Variants in CSRP3 observed in about 807,000 individuals in gnomAD.
CSRP3 encodes the protein cysteine and glycine rich protein 3.
CSRP3 carries 24 observed loss-of-function variants against 24.3 expected under a neutral mutation model. That is an observed-to-expected ratio of 0.99 (90% CI 0.71 to 1.39). CSRP3 has a LOEUF of 1.39. Ranked by LOEUF, CSRP3 falls within the 40% of genes most tolerant of loss-of-function variation. The pLI, the probability that CSRP3 is intolerant of heterozygous loss-of-function variation, is 0.00. For missense variants in CSRP3, 240 were observed against 249.0 expected, an observed-to-expected ratio of 0.96 and a Z score of 0.24; for synonymous variants, 105 against 94.0, an observed-to-expected ratio of 1.12 and a Z score of -0.68.
At chr11:19,200,673 C>T (rs1850823660) in intron 1 of CSRP3, among the ~76,000 whole-genome samples, 1 of 152,204 alleles carries the variant, frequency 6.6e-6, no homozygotes, top group Non-Finnish European at 1.5e-5. Context: ...TTGCCACTGA[C>T]CACAAACGAC....
chr11:19,194,143 C>T (rs150959527), intron 1 of CSRP3, among the ~76,000 whole-genome samples: 14 of 152,210 alleles, frequency 9.2e-5, no homozygotes, highest in Admixed American at 5.2e-4. Flanking sequence ...TCAACTGGTC[C>T]GGATTGTATC....
rs567697520 is a variant in CSRP3 at position 19,196,240 on chromosome 11, C to T, written c.-28-3764G>A. On this transcript the variant is annotated intron_variant, in intron 1 of 5. Transcript: ENST00000265968. ...ATTGCGCCACTGCACTCCAGCCTGG[C>T]GACAGAGTGAGACTCCATCTGAAAA... Among the ~76,000 whole-genome samples the T allele has an allele frequency of 2.6e-4, 40 of 152,036 alleles. No homozygotes were observed. The East Asian group carries it at 3.9e-3, about 15-fold the overall frequency.
At chr11:19,192,032 G>A (rs780121507) in intron 2 of CSRP3, among the ~76,000 whole-genome samples, 127 of 152,238 alleles carry the variant, frequency 8.3e-4, no homozygotes, top group African/African-American at 2.8e-3. Context: ...TGTCAATGTC[G>A]CCATGGGGTC....
intron 3 of CSRP3, 78 bp downstream of exon 3, chr11:19,188,057 AC>A: frequency 6.4e-7 from 1 of 1,559,806 alleles, no homozygotes; most frequent in Non-Finnish European, 8.8e-7. Flanking sequence ...CTTCCAGAAA[AC>A]GTTGCTATGG....
At chr11:19,194,168 C>A (rs943467824) in intron 1 of CSRP3, among the ~76,000 whole-genome samples, 1 of 152,146 alleles carries the variant, frequency 6.6e-6, no homozygotes, top group Admixed American at 6.5e-5. Context: ...AGTCTCATAA[C>A]AAAGGCAGTT....
chr11:19,183,375 C>G (rs551602696), intron 5 of CSRP3, among the ~76,000 whole-genome samples: 15 of 152,246 alleles, frequency 9.9e-5, no homozygotes, highest in Admixed American at 3.3e-4. Context: ...CACACAGAAC[C>G]ACTTGCAGTA....
intron 1 of CSRP3, among the ~76,000 whole-genome samples, chr11:19,192,722 C>G (rs957252178): frequency 6.6e-6 from 1 of 152,164 alleles, no homozygotes; most frequent in Non-Finnish European, 1.5e-5. Context: ...TCAGTAACAT[C>G]TATTCCTATG....
intron 2 of CSRP3, among the ~76,000 whole-genome samples, chr11:19,188,613 AGTGTGTGT>A (rs138192808): frequency 0.14 from 20,042 of 140,918 alleles, 1,458 homozygotes; most frequent in East Asian, 0.2. Flanking sequence ...ACATCAGGGA[AGTGTGTGT>A]GTGTGTGTGT....
chr11:19,187,467 C>T (rs1451190008), intron 3 of CSRP3, among the ~76,000 whole-genome samples: 1 of 152,146 alleles, frequency 6.6e-6, no homozygotes, highest in Non-Finnish European at 1.5e-5. Flanking sequence ...AGGCCAGTGG[C>T]CATCAGACTT....
intron 1 of CSRP3, among the ~76,000 whole-genome samples, chr11:19,197,403 TTCCTTCCTTCCTTCCTTCCTTCCTTCCC>T (rs1850744138): frequency 6.1e-5 from 3 of 49,164 alleles, no homozygotes; most frequent in African/African-American, 1.9e-4. Flanking sequence ...CCTTCCTTCC[TTCCTTCCTTCCTTCCTTCCTTCCTTCCC>T]TCCTTCTTTC....
chr11:19,195,224 A>G (rs1229057023), intron 1 of CSRP3, among the ~76,000 whole-genome samples: 1 of 152,026 alleles, frequency 6.6e-6, no homozygotes, highest in Non-Finnish European at 1.5e-5. Flanking sequence ...AGAGGCCTAA[A>G]TAGCCTCTAA....
In CSRP3 at chr11:19,185,015, T is replaced by C. The variant is rs1490491672; in HGVS notation, c.445A>G (p.Ile149Val). ...GTGGACTCCAGACTCTTCCCACAGATGGCACAGCGGAAACAGGTCTTGTGC... is the reference window on the plus strand; with the variant it reads ...GTGGACTCCAGACTCTTCCCACAGACGGCACAGCGGAAACAGGTCTTGTGC... The part of the protein sequence containing the change: ...PWHKTCFRCA[I>V]CGKSLESTNV... The change falls in exon 5 of 6, where the codon ATC becomes GTC. Residue 149 changes from isoleucine (I) to valine (V), a missense_variant. Physicochemically the swap from Ile to Val is conservative, Grantham distance 29 (BLOSUM62 3). Coordinates refer to ENST00000265968, the MANE Select transcript of CSRP3 (RefSeq NM_003476.5). 6.2e-7 allele frequency: 1 copy of C among 1,614,240 alleles called. No homozygotes were observed. Among genetic ancestry groups the C allele is most frequent in the East Asian group, 2.2e-5 (1 of 44,890 alleles).
intron 1 of CSRP3, among the ~76,000 whole-genome samples, chr11:19,200,091 G>C (rs967211456): frequency 1.3e-4 from 20 of 150,654 alleles, no homozygotes; most frequent in African/African-American, 4.9e-4. Flanking sequence ...TACTTAGCAG[G>C]AAACCCCCCC....
In CSRP3 at chr11:19,192,469, G is replaced by T. The variant is rs768173909; in HGVS notation, c.-21C>A. The T allele has an allele frequency of 2.5e-6, 4 of 1,596,148 alleles. No homozygotes were observed. The highest frequency in any genetic ancestry group is 3.4e-6 in the Non-Finnish European group (4 of 1,163,624). Reference sequence around the variant, plus strand: ...GGCATCTTGAAGACTATCTGGTCAAGGTCAAGTCTAAGGGGACATAAAGCA... The same window carrying T: ...GGCATCTTGAAGACTATCTGGTCAATGTCAAGTCTAAGGGGACATAAAGCA... On this transcript the variant is annotated 5_prime_UTR_variant, in exon 2 of 6. Transcript: ENST00000265968.
intron 2 of CSRP3, among the ~76,000 whole-genome samples, chr11:19,191,751 A>G (rs569786860): frequency 2.0e-5 from 3 of 152,172 alleles, no homozygotes; most frequent in Non-Finnish European, 4.4e-5. Flanking sequence ...GGTTCTCCCT[A>G]TTTTTGACAT....
chr11:19,188,159 C>G lies in CSRP3; in HGVS notation c.258G>C (p.Glu86Asp), dbSNP rs182798086. The part of the protein sequence containing the change: ...GAGCLSTDTG[E>D]HLGLQFQQSP... ...ACTGTTGGAACTGCAGGCCGAGATG[C>G]TCGCCCGTGTCTGTGCTGAGACAGC... Residue 86 changes from glutamate to aspartate, a missense_variant, in exon 3 of 6, where the codon GAG (glutamate) becomes GAC (aspartate). Physicochemically the swap from Glu to Asp is conservative, Grantham distance 45 (BLOSUM62 2). Transcript: ENST00000265968. 1 of 1,614,066 alleles carries G rather than the reference C, an allele frequency of 6.2e-7. No individual in the cohort carries two copies. Among genetic ancestry groups the G allele is most frequent in the Non-Finnish European group, 8.5e-7 (1 of 1,180,048 alleles).
chr11:19,196,215 A>G (rs1207225087), intron 1 of CSRP3, among the ~76,000 whole-genome samples: 2 of 152,202 alleles, frequency 1.3e-5, no homozygotes, highest in East Asian at 3.9e-4. Flanking sequence ...GTGAGCTGAG[A>G]TTGCGCCACT....
At chr11:19,197,406 C>T (rs958695733) in intron 1 of CSRP3, among the ~76,000 whole-genome samples, 2 of 69,796 alleles carry the variant, frequency 2.9e-5, no homozygotes, top group African/African-American at 9.6e-5. Flanking sequence ...TCCTTCCTTC[C>T]TTCCTTCCTT....
At chr11:19,192,910 A>G (rs193150180) in intron 1 of CSRP3, among the ~76,000 whole-genome samples, 1 of 152,222 alleles carries the variant, frequency 6.6e-6, no homozygotes, top group East Asian at 1.9e-4. Flanking sequence ...ATCACCTTAG[A>G]CCTTGCTAAA....
Sources: gnomAD v4.1 joint callset for allele counts (sites outside exome capture counted in the v4.1 genomes callset) on GRCh38, gnomAD v4.1.1 for gene constraint, MANE v1.5 for transcripts, NCBI Gene and HGNC (gene_info 2026-07-23, HGNC 2026-07-21) for gene names.